The following LYPLAL1 variants were observed in gnomAD, a reference collection of about 807,000 sequenced individuals.
The protein encoded by LYPLAL1 is lysophospholipase like 1.
In LYPLAL1, 23 loss-of-function variants were observed where a neutral mutation model predicts 19.7. The observed-to-expected ratio is 1.17, with a 90% confidence interval of 0.84 to 1.65. The LOEUF is 1.65. Among genes scored for constraint, LYPLAL1 ranks in the 40% most tolerant of loss-of-function variants. The pLI, the probability that LYPLAL1 is intolerant of heterozygous loss-of-function variation, is 0.00. For synonymous variants in LYPLAL1, 119 were observed against 96.3 expected (o/e 1.24, Z -1.38); for missense variants, 355 against 279.4 (o/e 1.27, Z -1.93).
the LYPLAL1 span, among the ~76,000 whole-genome samples, chr1:219,403,207 T>A: frequency 6.6e-6 from 1 of 152,212 alleles, no homozygotes; most frequent in African/African-American, 2.4e-5. Context: ...AGTTTTTGGG[T>A]TAAGTTCTAG....
chr1:219,352,516 C>CAAAT, the LYPLAL1 span, among the ~76,000 whole-genome samples: 311 of 150,788 alleles, frequency 2.1e-3, no homozygotes, highest in East Asian at 4.7e-3. Flanking sequence ...GACTCCGTCT[C>CAAAT]AAATAAATAA....
chr1:219,329,403 G>A, the LYPLAL1 span, among the ~76,000 whole-genome samples: 1 of 152,082 alleles, frequency 6.6e-6, no homozygotes, highest in African/African-American at 2.4e-5. Context: ...TTTGTCATAC[G>A]TTTAGCAATG....
the LYPLAL1 span, among the ~76,000 whole-genome samples, chr1:219,287,435 TTGCTCCACAGTGTG>T: frequency 6.6e-6 from 1 of 152,184 alleles, no homozygotes; most frequent in Non-Finnish European, 1.5e-5. Flanking sequence ...AAATGACAAG[TTGCTCCACAGTGTG>T]TATCTTCAGG....
chr1:219,192,597 C>T (rs1385150658), intron 2 of LYPLAL1, among the ~76,000 whole-genome samples: 1 of 151,652 alleles, frequency 6.6e-6, no homozygotes, highest in Non-Finnish European at 1.5e-5. Flanking sequence ...GCCCCCATCC[C>T]TCTCTGTGTT....
chr1:219,252,813 G>A, the LYPLAL1 span, among the ~76,000 whole-genome samples: 75 of 152,070 alleles, frequency 4.9e-4, 1 homozygote, highest in Non-Finnish European at 1.3e-4. Context: ...GAGTTGAGGA[G>A]GAGTCCCTCC....
chr1:219,265,991 A>T, the LYPLAL1 span, among the ~76,000 whole-genome samples: 9 of 152,130 alleles, frequency 5.9e-5, no homozygotes, highest in Admixed American at 5.9e-4. Flanking sequence ...GTGAATGGTA[A>T]GTGAACATAA....
At chr1:219,199,251 T>C (rs1345442226) in intron 3 of LYPLAL1, among the ~76,000 whole-genome samples, 1 of 152,218 alleles carries the variant, frequency 6.6e-6, no homozygotes, top group Non-Finnish European at 1.5e-5. Context: ...CTTTTGTATA[T>C]TTTTTATGAG....
chr1:219,411,592 G>A, the LYPLAL1 span: 37,933 of 152,164 alleles, frequency 0.25, 5,097 homozygotes, highest in African/African-American at 0.35. Flanking sequence ...GGCTGCCCGA[G>A]CCAGCATTGG....
the LYPLAL1 span, among the ~76,000 whole-genome samples, chr1:219,401,679 A>G: frequency 6.6e-6 from 1 of 152,202 alleles, no homozygotes; most frequent in South Asian, 2.1e-4. Flanking sequence ...AAAATATTAT[A>G]AAGTTTACAG....
At chr1:219,254,043 T>C in the LYPLAL1 span, among the ~76,000 whole-genome samples, 6 of 152,136 alleles carry the variant, frequency 3.9e-5, no homozygotes, top group African/African-American at 1.4e-4. Flanking sequence ...TGCCCTTCTT[T>C]GTCTTTTTGG....
At chr1:219,385,457 T>C in the LYPLAL1 span, among the ~76,000 whole-genome samples, 1 of 152,184 alleles carries the variant, frequency 6.6e-6, no homozygotes, top group Non-Finnish European at 1.5e-5. Flanking sequence ...GAGCACAATA[T>C]ATGTGATAAT....
chr1:219,215,648 C>T (rs1659266697), downstream of LYPLAL1, among the ~76,000 whole-genome samples: 1 of 152,126 alleles, frequency 6.6e-6, no homozygotes, highest in Non-Finnish European at 1.5e-5. Context: ...GCTTGATCTA[C>T]TCAGACTCAT....
At chr1:219,215,108 T>C (rs995354495), downstream of LYPLAL1, among the ~76,000 whole-genome samples, 1 of 152,194 alleles carries the variant, frequency 6.6e-6, no homozygotes, top group Non-Finnish European at 1.5e-5. Flanking sequence ...TTTTTTCTGG[T>C]ATTTTCATTG....
chr1:219,289,970 T>G, the LYPLAL1 span, among the ~76,000 whole-genome samples: 1 of 152,124 alleles, frequency 6.6e-6, no homozygotes, highest in Non-Finnish European at 1.5e-5. Flanking sequence ...ATCCTACTGA[T>G]CCACAATCCT....
the LYPLAL1 span, among the ~76,000 whole-genome samples, chr1:219,439,990 TACACACATATATATATATATATAC>T: frequency 4.2e-5 from 5 of 120,270 alleles, no homozygotes; most frequent in African/African-American, 1.8e-4. Flanking sequence ...TATATATATA[TACACACATATATATATATATATAC>T]ACACACACAC....
At chr1:219,381,611 G>T in the LYPLAL1 span, among the ~76,000 whole-genome samples, 1 of 152,162 alleles carries the variant, frequency 6.6e-6, no homozygotes, top group Non-Finnish European at 1.5e-5. Flanking sequence ...TATGGATTCT[G>T]CTGAGTCCTC....
Position 219,193,159 on chromosome 1 carries a change from A to G in LYPLAL1, c.269A>G (p.His90Arg), listed in dbSNP as rs1195210314. 1 of 1,610,650 alleles carries G rather than the reference A, an allele frequency of 6.2e-7. No individual in the cohort carries two copies. Among genetic ancestry groups the G allele is most frequent in the East Asian group, 2.2e-5 (1 of 44,702 alleles). Residue 90 changes from histidine to arginine, a missense_variant, in exon 3 of 5, where the codon CAC becomes CGC. Coordinates refer to ENST00000366928, the MANE Select transcript of LYPLAL1 (RefSeq NM_138794.5). ...RFKITNDCPE[H>R]LESIDVMCQV... ...AAAATAACCAATGACTGCCCAGAAC[A>G]CCTTGAATCAATTGATGTCATGTGT...
the LYPLAL1 span, among the ~76,000 whole-genome samples, chr1:219,364,132 A>G: frequency 3.9e-5 from 6 of 152,178 alleles, no homozygotes; most frequent in Admixed American, 3.9e-4. Flanking sequence ...TAGCCAAAGG[A>G]CAAAGATGAC....
At chr1:219,316,456 G>A in the LYPLAL1 span, among the ~76,000 whole-genome samples, 14 of 152,238 alleles carry the variant, frequency 9.2e-5, no homozygotes, top group South Asian at 4.1e-4. Flanking sequence ...TGTCTTCATA[G>A]GATGAGTGGA....
Sources: allele counts gnomAD v4.1 joint callset (sites outside exome capture counted in the v4.1 genomes callset), GRCh38; gene constraint gnomAD v4.1.1; transcripts MANE v1.5; gene names NCBI Gene and HGNC (gene_info 2026-07-23, HGNC 2026-07-21).